Variants in FRRS1 observed in about 807,000 individuals in gnomAD.
FRRS1 encodes ferric chelate reductase 1.
A neutral mutation model predicts 70.7 loss-of-function variants in FRRS1; 51 were observed. The observed-to-expected ratio is 0.72, with a 90% confidence interval of 0.58 to 0.91. FRRS1 has a LOEUF of 0.91. Ranked by LOEUF, FRRS1 falls within the 40% of genes least tolerant of loss-of-function variation. The pLI, the probability that FRRS1 is intolerant of heterozygous loss-of-function variation, is 0.00. For missense variants in FRRS1, 672 were observed against 726.0 expected (o/e 0.93, Z 0.86); for synonymous variants, 225 against 238.7 (o/e 0.94, Z 0.53).
chr1:99,759,564 T>C (rs1045750209), intron 1 of FRRS1, among the ~76,000 whole-genome samples: 1 of 152,158 alleles, frequency 6.6e-6, no homozygotes, highest in African/African-American at 2.4e-5. Context: ...GTAGGAAGAC[T>C]TTTAGAAAAA....
At chr1:99,743,025 G>A (rs1656052575) in intron 4 of FRRS1, among the ~76,000 whole-genome samples, 1 of 152,040 alleles carries the variant, frequency 6.6e-6, no homozygotes, top group Admixed American at 6.6e-5. Flanking sequence ...TTAGACTCCT[G>A]TCATACTCTA....
At chr1:99,755,808 A>G (rs2100996332) in intron 1 of FRRS1, among the ~76,000 whole-genome samples, 1 of 152,356 alleles carries the variant, frequency 6.6e-6, no homozygotes, top group African/African-American at 2.4e-5. Flanking sequence ...AGCAAGAAGT[A>G]TAAGACAAGA....
chr1:99,760,490 T>A (rs1295447371), intron 1 of FRRS1, among the ~76,000 whole-genome samples: 1 of 152,160 alleles, frequency 6.6e-6, no homozygotes, highest in Non-Finnish European at 1.5e-5. Context: ...TGTTTCAGAC[T>A]CCATTTTCAC....
Position 99,709,061 on chromosome 1 carries a change from G to T in FRRS1, c.1746C>A (p.Leu582=). Residue 582 remains leucine, a synonymous_variant, in exon 17 of 17, where the codon CTC becomes CTA. Transcript: ENST00000646001. ...GGTTGATTGCAGATAAAAATATGAT[G>T]AGAAAAGTAACATTCCCACAGACAT... The part of the protein sequence containing the change: ...AIYVCGNVTF[L]IIFLSAINHL 2 of 1,613,644 alleles carry T rather than the reference G, an allele frequency of 1.2e-6. No homozygotes were observed. The highest frequency in any genetic ancestry group is 2.7e-5 in the African/African-American group (2 of 74,860).
At chr1:99,725,412 T>C (rs957945485) in intron 9 of FRRS1, among the ~76,000 whole-genome samples, 1 of 152,260 alleles carries the variant, frequency 6.6e-6, no homozygotes, top group Admixed American at 6.5e-5. Context: ...CATAGCTTAC[T>C]TGGGAAAACC....
intron 1 of FRRS1, among the ~76,000 whole-genome samples, chr1:99,761,459 A>T (rs2101006134): frequency 6.6e-6 from 1 of 152,318 alleles, no homozygotes; most frequent in African/African-American, 2.4e-5. Flanking sequence ...ATTTTCTGGA[A>T]AAATGATTGG....
At chr1:99,761,915 C>T (rs538970031) in intron 1 of FRRS1, among the ~76,000 whole-genome samples, 1 of 152,270 alleles carries the variant, frequency 6.6e-6, no homozygotes, top group East Asian at 1.9e-4. Flanking sequence ...GCTTACAACA[C>T]ATCATGTCAA....
At chr1:99,721,066 A>T (rs541672636) in intron 9 of FRRS1, among the ~76,000 whole-genome samples, 1 of 152,326 alleles carries the variant, frequency 6.6e-6, no homozygotes, top group Non-Finnish European at 1.5e-5. Context: ...ACACAATGAA[A>T]GGAAACATCA....
chr1:99,735,120 A>G (rs997144478), intron 7 of FRRS1, among the ~76,000 whole-genome samples: 19 of 152,208 alleles, frequency 1.2e-4, no homozygotes, highest in Admixed American at 1.2e-3. Flanking sequence ...ACAACATACA[A>G]CATGGCCAAT....
Position 99,738,170 on chromosome 1 carries a change from T to C in FRRS1, c.675A>G (p.Thr225=). The change falls in exon 7 of 17, where the codon ACA becomes ACG. Residue 225 remains threonine (T), a synonymous_variant. Transcript: ENST00000646001. ...CAACCATCACCGATTGGTCATCTCTTGTGAAGGACAAGAAGACACAGGAAG... is the reference window on the plus strand; with the variant it reads ...CAACCATCACCGATTGGTCATCTCTCGTGAAGGACAAGAAGACACAGGAAG... The part of the protein sequence containing the change: ...KEASCVFLSF[T]RDDQSVMVEM... The C allele has an allele frequency of 6.2e-7, 1 of 1,613,992 alleles. No individual in the cohort carries two copies. The highest frequency in any genetic ancestry group is 8.5e-7 in the Non-Finnish European group (1 of 1,179,836).
intron 9 of FRRS1, among the ~76,000 whole-genome samples, chr1:99,723,097 C>T (rs771126400): frequency 5.9e-5 from 9 of 151,676 alleles, no homozygotes; most frequent in Non-Finnish European, 7.4e-5. Flanking sequence ...ATATATATGC[C>T]CTATATGAAG....
chr1:99,717,280 G>C, intron 11 of FRRS1, 130 bp downstream of exon 11: 1 of 685,534 alleles, frequency 1.5e-6, no homozygotes, highest in South Asian at 1.7e-5. Flanking sequence ...AAATCAAAGG[G>C]AAAAAGGAGG....
intron 14 of FRRS1, 109 bp from the exon 15 acceptor site, chr1:99,711,058 TA>T: frequency 2.1e-6 from 2 of 932,290 alleles, no homozygotes; most frequent in Non-Finnish European, 3.1e-6. Flanking sequence ...GAGTTTGAGA[TA>T]AAAGAAGATT....
At chr1:99,763,059 C>T (rs563741870) in intron 1 of FRRS1, among the ~76,000 whole-genome samples, 1 of 152,168 alleles carries the variant, frequency 6.6e-6, no homozygotes, top group Non-Finnish European at 1.5e-5. Context: ...CCTCTCCCCG[C>T]AAAACACTCA....
rs777271232 is a variant in FRRS1, at chr1:99,709,090, T to C, written c.1717A>G (p.Ile573Val). 2.5e-6 allele frequency: 4 copies of C among 1,613,588 alleles called. No homozygotes were observed. The highest frequency in any genetic ancestry group is 2.7e-5 in the African/African-American group (2 of 74,928). Residue 573 changes from isoleucine (I) to valine (V), a missense_variant, in exon 17 of 17, where the codon ATT (isoleucine) becomes GTT (valine). By Grantham distance (29) the Ile-to-Val change is conservative. Coordinates refer to ENST00000646001, the MANE Select transcript of FRRS1 (RefSeq NM_001361041.2). ...GHAFKKAVLA[I>V]YVCGNVTFLI... ...AAAGTAACATTCCCACAGACATAAA[T>C]TGCCAACACTGCCTTTTTAAAAGCA...
At chr1:99,747,660 A>C (rs1219266618) in intron 3 of FRRS1, 3 of 454,230 alleles carry the variant, frequency 6.6e-6, no homozygotes, top group Non-Finnish European at 7.8e-6. Context: ...CAAAGAGAAA[A>C]GAAAAATAGG....
chr1:99,719,368 C>T (rs1654690784), intron 10 of FRRS1, among the ~76,000 whole-genome samples, 166 bp downstream of exon 10: 1 of 140,080 alleles, frequency 7.1e-6, no homozygotes, highest in Admixed American at 7.6e-5. Flanking sequence ...GAGATCGTGC[C>T]ACTGCACTCC....
At position 99,707,853 on chromosome 1, in the gene FRRS1, T is replaced by A. The variant is rs190511961; in HGVS notation, c.*1175A>T. ...TTCTGATTCAGTAGAACATAAAAAA[T>A]GTCTAACAAAACAGAACCAGACACA... On this transcript the variant is annotated 3_prime_UTR_variant, in exon 17 of 17. Coordinates refer to ENST00000646001, the MANE Select transcript of FRRS1 (RefSeq NM_001361041.2). 2.7e-3 allele frequency among the ~76,000 whole-genome samples: 409 copies of A among 152,288 alleles called. 2 individuals carry two copies. Among genetic ancestry groups the A allele is most frequent in the African/African-American group, 9.5e-3 (394 of 41,568 alleles).
intron 9 of FRRS1, among the ~76,000 whole-genome samples, chr1:99,722,051 C>T (rs1157260137): frequency 1.3e-5 from 2 of 151,580 alleles, no homozygotes; most frequent in Non-Finnish European, 2.9e-5. Flanking sequence ...ACTCTGTTGT[C>T]CAGGCTGGAG....
Sources: allele counts gnomAD v4.1 joint callset (sites outside exome capture counted in the v4.1 genomes callset), GRCh38; gene constraint gnomAD v4.1.1; transcripts MANE v1.5; gene names NCBI Gene and HGNC (gene_info 2026-07-23, HGNC 2026-07-21).